The following RBM19 variants were observed in gnomAD, a reference collection of about 807,000 sequenced individuals.
The protein encoded by RBM19 is probable RNA-binding protein 19.
In RBM19, 94 loss-of-function variants were observed where a neutral mutation model predicts 116.8. The observed-to-expected ratio is 0.80, with a 90% CI of 0.68 to 0.95. The LOEUF is 0.95. Ranked by LOEUF, RBM19 falls within the 40% of genes least tolerant of loss-of-function variation. The pLI is 0.00. For synonymous variants in RBM19, 475 were observed against 494.1 expected (o/e 0.96, Z 0.51); for missense variants, 1,161 against 1,220.7 (o/e 0.95, Z 0.73).
chr12:113,939,498 C>T (rs1391887008), intron 15 of RBM19, among the ~76,000 whole-genome samples: 10 of 136,344 alleles, frequency 7.3e-5, no homozygotes, highest in Admixed American at 7.0e-5. Flanking sequence ...GCCTGTAATC[C>T]CAGCACTTTG....
intron 13 of RBM19, among the ~76,000 whole-genome samples, chr12:113,943,731 G>A (rs1216200040): frequency 6.6e-6 from 1 of 152,128 alleles, no homozygotes; most frequent in Non-Finnish European, 1.5e-5. Flanking sequence ...GCTGAGGCTG[G>A]AGAATTGCTT....
At chr12:113,887,917 T>A (rs1880654921) in intron 21 of RBM19, among the ~76,000 whole-genome samples, 1 of 152,136 alleles carries the variant, frequency 6.6e-6, no homozygotes, top group South Asian at 2.1e-4. Flanking sequence ...AGGTGAGGTC[T>A]CACTACATTG....
intron 22 of RBM19, among the ~76,000 whole-genome samples, chr12:113,850,331 C>T (rs916029973): frequency 2.0e-5 from 3 of 152,216 alleles, no homozygotes; most frequent in African/African-American, 7.2e-5. Context: ...CAGGTCTAGC[C>T]AGACTCCAGG....
intron 21 of RBM19, among the ~76,000 whole-genome samples, chr12:113,881,805 AC>A (rs1880153379): frequency 6.6e-6 from 1 of 152,252 alleles, no homozygotes; most frequent in Non-Finnish European, 1.5e-5. Context: ...TGTGAAAACC[AC>A]ATGTTGCTTC....
intron 17 of RBM19, 62 bp downstream of exon 17, chr12:113,926,992 G>C (rs896201826): frequency 3.9e-6 from 6 of 1,521,352 alleles, no homozygotes; most frequent in South Asian, 1.2e-5. Flanking sequence ...TGCAGTGGCC[G>C]TATCAGTAGA....
At position 113,872,096 on chromosome 12, in the gene RBM19, C is replaced by A. The variant is rs1289363772; in HGVS notation, c.2559-13200G>T. ...GGAAGTGAGGAGCGCCTCTTCCCAG[C>A]CGCCATCACATCTAGGAAGTGAGGA... is the stretch of plus-strand genomic sequence containing the variant. On this transcript the variant is annotated intron_variant, in intron 21 of 23. Transcript: ENST00000261741. Among the ~76,000 whole-genome samples the A allele has an allele frequency of 2.7e-5, 4 of 148,106 alleles. No individual in the cohort carries two copies. The South Asian group carries it at 6.9e-4, about 25-fold the overall frequency.
At chr12:113,939,866 A>AC in intron 15 of RBM19, 94 bp downstream of exon 15, 2 of 1,356,064 alleles carry the variant, frequency 1.5e-6, no homozygotes, top group Admixed American at 3.8e-5. Flanking sequence ...CCCATGTGCC[A>AC]CATCTGTGAA....
chr12:113,956,178 A>G (rs544168254), intron 6 of RBM19, among the ~76,000 whole-genome samples: 59 of 152,336 alleles, frequency 3.9e-4, no homozygotes, highest in South Asian at 1.0e-3. Context: ...GGGGGGAAGA[A>G]AAGGACAGAG....
chr12:113,875,784 G>A (rs1020254708), intron 21 of RBM19, among the ~76,000 whole-genome samples: 2 of 152,228 alleles, frequency 1.3e-5, no homozygotes, highest in African/African-American at 4.8e-5. Context: ...AGTTCACGCA[G>A]AGGGAAAAGT....
intron 21 of RBM19, among the ~76,000 whole-genome samples, chr12:113,882,892 C>A (rs1366580922): frequency 6.6e-6 from 1 of 152,248 alleles, no homozygotes; most frequent in Non-Finnish European, 1.5e-5. Context: ...GCTGAGTCTG[C>A]AAGCCCTGTG....
Position 113,866,651 on chromosome 12 carries a change from T to C in RBM19, c.2559-7755A>G, listed in dbSNP as rs372156872. Among the ~76,000 whole-genome samples, 464 of 152,280 alleles carry C rather than the reference T, an allele frequency of 3.0e-3. 2 individuals are homozygous for C. The highest frequency in any genetic ancestry group is 0.011 in the African/African-American group (447 of 41,556). On this transcript the variant is annotated intron_variant, in intron 21 of 23. Transcript: ENST00000261741. ...ACCAGGGAGCTTGTCAAAAATGCAA[T>C]GTTCTGCCCTCCTCTTGTCTTTCTG...
chr12:113,836,922 C>CAT (rs1875980368), intron 23 of RBM19, among the ~76,000 whole-genome samples: 2 of 70,800 alleles, frequency 2.8e-5, no homozygotes, highest in Non-Finnish European at 2.5e-5. Context: ...CCCCCACATA[C>CAT]ACACACACAC....
At chr12:113,957,494 G>T (rs1021941500) in intron 6 of RBM19, among the ~76,000 whole-genome samples, 1 of 152,126 alleles carries the variant, frequency 6.6e-6, no homozygotes, top group African/African-American at 2.4e-5. Flanking sequence ...TTGAACCCAG[G>T]AGGCGGAGGT....
intron 16 of RBM19, 119 bp downstream of exon 16, chr12:113,936,888 C>G: frequency 7.3e-7 from 1 of 1,362,268 alleles, no homozygotes; most frequent in Non-Finnish European, 1.0e-6. Flanking sequence ...CTGCTGGTCT[C>G]TAGCATGAAC....
rs551033326 is a variant in RBM19 at position 113,930,870 on chromosome 12, G to T, written c.2069-3641C>A. ...GGCCTGGAAAAGACGAGGAGGGCAG[G>T]CCCAGTCCCAGCCCTGCCACAACCT... On this transcript the variant is annotated intron_variant, in intron 16 of 23. Coordinates refer to ENST00000261741, the MANE Select transcript of RBM19 (RefSeq NM_016196.4). 2.6e-5 allele frequency among the ~76,000 whole-genome samples: 4 copies of T among 152,240 alleles called. No individual in the cohort carries two copies. In the South Asian group the frequency reaches 8.3e-4, roughly 32 times the overall value.
chr12:113,858,199 A>C (rs1363295273), intron 22 of RBM19, among the ~76,000 whole-genome samples: 1 of 152,212 alleles, frequency 6.6e-6, no homozygotes, highest in Non-Finnish European at 1.5e-5. Context: ...TGCTGTACTG[A>C]ACCAATTTGG....
At chr12:113,835,839 C>T (rs1875830298) in intron 23 of RBM19, among the ~76,000 whole-genome samples, 1 of 152,222 alleles carries the variant, frequency 6.6e-6, no homozygotes, top group Non-Finnish European at 1.5e-5. Flanking sequence ...CAGTCCTCCC[C>T]AGCTGGAATA....
Position 113,944,820 on chromosome 12 carries a change from T to C in RBM19, c.1626+1008A>G, listed in dbSNP as rs188211176. Among the ~76,000 whole-genome samples, 499 of 150,638 alleles carry C rather than the reference T, an allele frequency of 3.3e-3. 2 individuals carry two copies. The highest frequency in any genetic ancestry group is 5.5e-3 in the Non-Finnish European group (371 of 67,846). ...GTCTCAAAAAAAAATTATATATACA[T>C]GTGTATATATGTATATGAATGTGTA... On this transcript the variant is annotated intron_variant, in intron 13 of 23. Transcript: ENST00000261741.
intron 7 of RBM19, among the ~76,000 whole-genome samples, chr12:113,953,233 A>C (rs1871622925): frequency 6.6e-6 from 1 of 152,244 alleles, no homozygotes; most frequent in African/African-American, 2.4e-5. Context: ...TCACGCCTGT[A>C]ATCCCAGCAC....
Sources: allele counts gnomAD v4.1 joint callset (sites outside exome capture counted in the v4.1 genomes callset), GRCh38; gene constraint gnomAD v4.1.1; transcripts MANE v1.5; gene names NCBI Gene and HGNC (gene_info 2026-07-23, HGNC 2026-07-21).